The following NRXN3 variants were observed in gnomAD, a reference collection of about 807,000 sequenced individuals.
NRXN3 encodes neurexin 3, also known as neurexin III.
A neutral mutation model predicts 137.6 loss-of-function variants in NRXN3; 32 were observed. The observed-to-expected ratio is 0.23, with a 90% CI of 0.18 to 0.31. The LOEUF (loss-of-function observed/expected upper bound fraction) is 0.31. NRXN3 is among the 10% of genes least tolerant of loss of function. NRXN3 has a pLI of 1.00. For missense variants in NRXN3, 1,574 were observed against 2,062.5 expected, an observed-to-expected ratio of 0.76 and a Z score of 4.59; for synonymous variants, 798 against 784.5, an observed-to-expected ratio of 1.02 and a Z score of -0.29.
intron 10 of NRXN3, among the ~76,000 whole-genome samples, chr14:78,946,169 C>T (rs2099364796): frequency 6.6e-6 from 1 of 152,168 alleles, no homozygotes; most frequent in African/African-American, 2.4e-5. Context: ...TGACTATTGT[C>T]TGGTGGTCTA....
chr14:79,238,075 G>T (rs557715151), intron 15 of NRXN3, among the ~76,000 whole-genome samples: 7 of 152,114 alleles, frequency 4.6e-5, no homozygotes, highest in Non-Finnish European at 1.0e-4. Flanking sequence ...AGTATGGGAG[G>T]AATGATAAAT....
chr14:78,523,200 G>A (rs761935023), intron 4 of NRXN3, among the ~76,000 whole-genome samples: 3 of 152,044 alleles, frequency 2.0e-5, no homozygotes, highest in Admixed American at 6.5e-5. Flanking sequence ...CAGTTGGTTG[G>A]CCAACAAATA....
intron 16 of NRXN3, among the ~76,000 whole-genome samples, chr14:79,469,737 T>C (rs1044265884): frequency 1.3e-5 from 2 of 152,174 alleles, no homozygotes; most frequent in Admixed American, 6.5e-5. Context: ...TCCTATGCTG[T>C]GGGGAATCTG....
chr14:78,973,278 A>T (rs143476865), intron 14 of NRXN3, among the ~76,000 whole-genome samples: 1 of 152,158 alleles, frequency 6.6e-6, no homozygotes, highest in East Asian at 1.9e-4. Flanking sequence ...TTCACCATAC[A>T]TAGAAAAAAG....
At chr14:79,021,706 G>T (rs1854861268) in intron 15 of NRXN3, among the ~76,000 whole-genome samples, 2 of 152,164 alleles carry the variant, frequency 1.3e-5, no homozygotes, top group African/African-American at 4.8e-5. Flanking sequence ...GCAAGGTTAT[G>T]TGACTAATTA....
chr14:78,361,126 C>A (rs1458089617), intron 4 of NRXN3, among the ~76,000 whole-genome samples: 1 of 152,178 alleles, frequency 6.6e-6, no homozygotes, highest in Non-Finnish European at 1.5e-5. Flanking sequence ...ATAACTGTAA[C>A]TGAATCTTAG....
At position 79,367,403 on chromosome 14, in the gene NRXN3, T is replaced by G. The variant is rs539043500; in HGVS notation, c.3263-99818T>G. On this transcript the variant is annotated intron_variant, in intron 15 of 20. Transcript: ENST00000335750. Reference sequence around the variant, plus strand: ...GCACATATTTGACCTTCACATTTTATTAAGTCTAATTTTTTAAAGTTTTGT... The same window carrying G: ...GCACATATTTGACCTTCACATTTTAGTAAGTCTAATTTTTTAAAGTTTTGT... Among the ~76,000 whole-genome samples, 7 of 152,306 alleles carry G rather than the reference T, an allele frequency of 4.6e-5. No homozygotes were observed. The South Asian group carries it at 1.4e-3, about 32-fold the overall frequency.
At chr14:79,340,160 G>GGT (rs10533702) in intron 15 of NRXN3, among the ~76,000 whole-genome samples, 2,610 of 146,714 alleles carry the variant, frequency 0.018, 53 homozygotes, top group African/African-American at 0.054. Flanking sequence ...TGAATTTAAG[G>GGT]GTGTGTGTGT....
chr14:78,525,241 T>C (rs971939572), intron 4 of NRXN3, among the ~76,000 whole-genome samples: 11 of 152,140 alleles, frequency 7.2e-5, no homozygotes, highest in Non-Finnish European at 1.3e-4. Flanking sequence ...GAAAACTAAA[T>C]AGAGGCTTTC....
chr14:79,809,426 A>C (rs1232267844), intron 20 of NRXN3, among the ~76,000 whole-genome samples: 3 of 152,168 alleles, frequency 2.0e-5, no homozygotes, highest in Non-Finnish European at 4.4e-5. Flanking sequence ...AGCATAAGCC[A>C]CTGTGCCTGG....
At position 78,981,457 on chromosome 14, in the gene NRXN3, G is replaced by T. The variant is rs565183403; in HGVS notation, c.3143-6565G>T. The stretch of plus-strand genomic sequence containing the variant: ...CTCACTTGCCACCTATGGATTTTGG[G>T]GAAAATTATGCAACTTTTCTGTGTC... On this transcript the variant is annotated intron_variant, in intron 14 of 20. Transcript: ENST00000335750. Among the ~76,000 whole-genome samples, 88 of 152,178 alleles carry T rather than the reference G, an allele frequency of 5.8e-4. 1 individual carries two copies. The highest frequency in any genetic ancestry group is 2.1e-3 in the African/African-American group (87 of 41,526).
At chr14:78,897,855 T>C (rs1272788186) in intron 10 of NRXN3, among the ~76,000 whole-genome samples, 1 of 152,038 alleles carries the variant, frequency 6.6e-6, no homozygotes, top group Non-Finnish European at 1.5e-5. Context: ...CAGGGCTTCC[T>C]TGGCCTTCCA....
chr14:78,375,541 G>A (rs1275872334), intron 4 of NRXN3, among the ~76,000 whole-genome samples: 2 of 152,256 alleles, frequency 1.3e-5, no homozygotes, highest in Non-Finnish European at 2.9e-5. Flanking sequence ...CCTATTATGT[G>A]CCAGGAACTG....
intron 16 of NRXN3, among the ~76,000 whole-genome samples, chr14:79,626,179 C>T (rs1424594622): frequency 2.0e-5 from 3 of 151,336 alleles, no homozygotes; most frequent in Non-Finnish European, 2.9e-5. Flanking sequence ...AGTGAATAAT[C>T]ATCTCAAGTC....
chr14:79,755,946 T>C (rs898704698), intron 19 of NRXN3, among the ~76,000 whole-genome samples: 1 of 152,218 alleles, frequency 6.6e-6, no homozygotes, highest in Non-Finnish European at 1.5e-5. Context: ...CTTTAAACAA[T>C]GGTCAGTCCC....
At chr14:79,020,130 TTCCC>T (rs1457827675) in intron 15 of NRXN3, among the ~76,000 whole-genome samples, 2 of 9,258 alleles carry the variant, frequency 2.2e-4, no homozygotes, top group African/African-American at 2.7e-3. Flanking sequence ...TTCCTTTCCC[TTCCC>T]TTCCCTTCCC....
chr14:79,175,351 T>G (rs564733077), intron 15 of NRXN3, among the ~76,000 whole-genome samples: 294 of 152,218 alleles, frequency 1.9e-3, no homozygotes, highest in African/African-American at 6.8e-3. Flanking sequence ...ACAAGATCAG[T>G]GTGGGATAAA....
In NRXN3 at chr14:79,229,743, G is replaced by A. The variant is rs189843101; in HGVS notation, c.3263-237478G>A. On this transcript the variant is annotated intron_variant, in intron 15 of 20. Transcript: ENST00000335750. ...CTTGGATATAATTTGCCAGCTGTCC[G>A]TCTTGTCCTCGTGCGTCTCTGTCTT... Among the ~76,000 whole-genome samples, 116 of 152,214 alleles carry A rather than the reference G, an allele frequency of 7.6e-4. 1 individual carries two copies. Among genetic ancestry groups the A allele is most frequent in the Admixed American group, 2.2e-3 (34 of 15,272 alleles).
intron 19 of NRXN3, among the ~76,000 whole-genome samples, chr14:79,716,423 A>G (rs1366410404): frequency 2.6e-5 from 4 of 152,078 alleles, no homozygotes; most frequent in Non-Finnish European, 5.9e-5. Context: ...ATATCAAGAA[A>G]CCTTTTAGCA....
Sources: gnomAD v4.1 joint callset for allele counts (sites outside exome capture counted in the v4.1 genomes callset) on GRCh38, gnomAD v4.1.1 for gene constraint, MANE v1.5 for transcripts, NCBI Gene and HGNC (gene_info 2026-07-23, HGNC 2026-07-21) for gene names.